Variants in CCDC146 observed in about 807,000 individuals in gnomAD.
CCDC146 encodes the protein coiled-coil domain-containing protein 146.
A neutral mutation model predicts 119.3 loss-of-function variants in CCDC146; 92 were observed. That is an observed-to-expected ratio of 0.77 (90% CI 0.65 to 0.92). The LOEUF is 0.92. Among genes scored for constraint, CCDC146 ranks in the 40% least tolerant of loss-of-function variants. The pLI, the probability that CCDC146 is intolerant of heterozygous loss-of-function variation, is 0.00. For synonymous variants in CCDC146, 372 were observed against 371.8 expected, an observed-to-expected ratio of 1.00 and a Z score of -0.01; for missense variants, 1,000 against 1,103.0, an observed-to-expected ratio of 0.91 and a Z score of 1.32.
chr7:77,164,808 A>G (rs940583277), intron 1 of CCDC146, among the ~76,000 whole-genome samples: 10 of 152,310 alleles, frequency 6.6e-5, no homozygotes, highest in South Asian at 2.1e-4. Context: ...GGACCTACCA[A>G]GCCTTCTGGC....
At chr7:77,265,770 A>T (rs967723170) in intron 9 of CCDC146, among the ~76,000 whole-genome samples, 22 of 152,264 alleles carry the variant, frequency 1.4e-4, no homozygotes, top group Non-Finnish European at 2.9e-5. Flanking sequence ...GACATATGCA[A>T]GTAGGAAGTA....
Position 77,196,274 on chromosome 7 carries a change from G to C in CCDC146, c.156+28450G>C. On this transcript the variant is annotated intron_variant, in intron 2 of 18. Coordinates refer to ENST00000285871, the MANE Select transcript of CCDC146 (RefSeq NM_020879.3). This position sits in a 1 kb window ranked among gnomAD's most constrained non-coding sequence, Gnocchi z 4.2. ...ACGAATACCTGGAGGAATGAACAGAGTGATTTATGGCTTAAAGTGCTTGGG... is the reference window on the plus strand; with the variant it reads ...ACGAATACCTGGAGGAATGAACAGACTGATTTATGGCTTAAAGTGCTTGGG... 2 of 1,604,942 alleles carry C rather than the reference G, an allele frequency of 1.2e-6. No individual in the cohort carries two copies. The highest frequency in any genetic ancestry group is 1.1e-5 in the South Asian group (1 of 90,564).
chr7:77,236,154 A>G (rs1283050813), intron 2 of CCDC146, among the ~76,000 whole-genome samples: 1 of 152,202 alleles, frequency 6.6e-6, no homozygotes, highest in Non-Finnish European at 1.5e-5. Context: ...TGATACTGTC[A>G]CTAGCAGTTG....
rs1382622207 is a variant in CCDC146 at position 77,282,591 on chromosome 7, T to C, written c.1954T>C (p.Cys652Arg). 1 of 1,611,704 alleles carries C rather than the reference T, an allele frequency of 6.2e-7. No homozygotes were observed. The highest frequency in any genetic ancestry group is 8.5e-7 in the Non-Finnish European group (1 of 1,178,922). Residue 652 changes from cysteine to arginine, a missense_variant, in exon 15 of 19, where the codon TGC becomes CGC. By Grantham distance (180) the Cys-to-Arg change is radical (BLOSUM62 -3). This residue lies in a region of CCDC146 where 985 missense variants were observed against 1,045.3 expected (regional missense o/e 0.94). Transcript: ENST00000285871. ...VQLIEREEEICIFYEKINIQE... is the reference protein window; with the variant it reads ...VQLIEREEEIRIFYEKINIQE... ...GCTGATAGAGCGGGAAGAAGAAATA[T>C]GCATTTTTTATGAAAAAATAAATAT...
chr7:77,176,596 C>T (rs903324734), intron 2 of CCDC146, among the ~76,000 whole-genome samples: 10 of 152,010 alleles, frequency 6.6e-5, no homozygotes, highest in South Asian at 6.2e-4. Context: ...GTAGTAGACA[C>T]GGTAGGTTGT....
At chr7:77,258,401 T>C (rs568002233) in intron 6 of CCDC146, among the ~76,000 whole-genome samples, 2 of 152,230 alleles carry the variant, frequency 1.3e-5, no homozygotes, top group Non-Finnish European at 2.9e-5. Flanking sequence ...ATGATTTTTC[T>C]ACTTTACAGT....
In CCDC146 at chr7:77,191,757, C is replaced by A. The variant is rs559860366; in HGVS notation, c.156+23933C>A. ...CCCAGTCTCTACTAAAAATACAAAA[C>A]AAATTAGCTGGGTGTGGTGGCGGGC... is the stretch of plus-strand genomic sequence containing the variant. On this transcript the variant is annotated intron_variant, in intron 2 of 18. Coordinates refer to ENST00000285871, the MANE Select transcript of CCDC146 (RefSeq NM_020879.3). Among the ~76,000 whole-genome samples, 1,461 of 151,750 alleles carry A rather than the reference C, an allele frequency of 9.6e-3. 16 individuals carry two copies. The highest frequency in any genetic ancestry group is 0.012 in the Non-Finnish European group (833 of 67,824).
chr7:77,284,984 GT>G (rs879932808), intron 15 of CCDC146, among the ~76,000 whole-genome samples: 104 of 146,574 alleles, frequency 7.1e-4, no homozygotes, highest in African/African-American at 2.1e-3. Context: ...CTTGGGGTTT[GT>G]TTTTTTTTTA....
intron 2 of CCDC146, among the ~76,000 whole-genome samples, chr7:77,192,880 G>A (rs901940845): frequency 6.6e-6 from 1 of 151,922 alleles, no homozygotes; most frequent in African/African-American, 2.4e-5. Context: ...CCGAGATCTC[G>A]CCATTGCACT....
In CCDC146 at chr7:77,287,578, G is replaced by T. The variant is rs2150554158; in HGVS notation, c.2415+1G>T. 4 of 1,612,844 alleles carry T rather than the reference G, an allele frequency of 2.5e-6. No individual in the cohort carries two copies. Among genetic ancestry groups the T allele is most frequent in the East Asian group, 2.2e-5 (1 of 44,856 alleles). ...GGACACACTGCTCTTAGCCAAGAAGGTAGGCCTGAGACCCTGCCTTTTCCC... is the reference window on the plus strand; with the variant it reads ...GGACACACTGCTCTTAGCCAAGAAGTTAGGCCTGAGACCCTGCCTTTTCCC... On this transcript the variant is annotated splice_donor_variant, in intron 17 of 18. Coordinates refer to ENST00000285871, the MANE Select transcript of CCDC146 (RefSeq NM_020879.3). LOFTEE classifies it high-confidence loss of function.
intron 2 of CCDC146, among the ~76,000 whole-genome samples, chr7:77,217,845 T>A (rs1193714485): frequency 1.3e-5 from 2 of 152,100 alleles, no homozygotes; most frequent in African/African-American, 2.4e-5. Flanking sequence ...TCTAAATGTA[T>A]CTAAACATAG....
At position 77,262,105 on chromosome 7, in the gene CCDC146, C is replaced by T. The variant is rs1584122881; in HGVS notation, c.987-16C>T. The T allele has an allele frequency of 6.5e-7, 1 of 1,550,304 alleles. No homozygotes were observed. Among genetic ancestry groups the T allele is most frequent in the South Asian group, 1.2e-5 (1 of 81,214 alleles). On this transcript the variant is annotated splice_polypyrimidine_tract_variant and intron_variant, in intron 8 of 18. Transcript: ENST00000285871. ...ATAACAAAATCATTTTCTTCTTCTT[C>T]CTTTACCTGGAACAGAGGGATCTTG...
intron 11 of CCDC146, among the ~76,000 whole-genome samples, chr7:77,275,653 A>G (rs1218177226): frequency 2.6e-5 from 4 of 152,138 alleles, no homozygotes. Flanking sequence ...TCCCAACTTC[A>G]TCAAGACAGC....
intron 2 of CCDC146, among the ~76,000 whole-genome samples, chr7:77,230,523 T>TGTCTG (rs1483900778): frequency 2.6e-5 from 4 of 152,048 alleles, no homozygotes; most frequent in African/African-American, 9.7e-5. Flanking sequence ...TGTGTGTCTG[T>TGTCTG]TTTTTCTTCA....
intron 15 of CCDC146, among the ~76,000 whole-genome samples, chr7:77,286,028 G>A (rs1437689249): frequency 1.3e-5 from 2 of 152,200 alleles, no homozygotes; most frequent in Non-Finnish European, 2.9e-5. Context: ...AGAGGTGAAG[G>A]CTGTGTGTTA....
intron 1 of CCDC146, among the ~76,000 whole-genome samples, chr7:77,140,934 T>A (rs1189899955): frequency 6.6e-6 from 1 of 152,148 alleles, no homozygotes; most frequent in African/African-American, 2.4e-5. Context: ...TTATTTTTTT[T>A]TATACTTTCA....
chr7:77,217,183 T>C (rs1294613003), intron 2 of CCDC146, among the ~76,000 whole-genome samples: 1 of 152,030 alleles, frequency 6.6e-6, no homozygotes, highest in Non-Finnish European at 1.5e-5. Context: ...CCTCAAATGA[T>C]ACAGTCATAT....
chr7:77,194,602 T>A (rs1338760553), intron 2 of CCDC146: 2 of 152,130 alleles, frequency 1.3e-5, no homozygotes, highest in Non-Finnish European at 2.9e-5. Context: ...ATTAGCTTGT[T>A]ACCTGAAGCA....
chr7:77,279,021 A>G lies in CCDC146; in HGVS notation c.1614A>G (p.Lys538=). 1 of 1,612,262 alleles carries G rather than the reference A, an allele frequency of 6.2e-7. No individual in the cohort carries two copies. The highest frequency in any genetic ancestry group is 8.5e-7 in the Non-Finnish European group (1 of 1,179,058). ...FVNLLHKAHQ[K]VNEIKERHKM... is the part of the protein sequence containing the mutation. ...ACTTACTCCACAAAGCTCATCAGAA[A>G]GTAAATGAAATAAAAGAAAGGCATA... Residue 538 remains lysine, a synonymous_variant, in exon 13 of 19, where the codon AAA becomes AAG. Coordinates refer to ENST00000285871, the MANE Select transcript of CCDC146 (RefSeq NM_020879.3).
Sources: allele counts gnomAD v4.1 joint callset (sites outside exome capture counted in the v4.1 genomes callset), GRCh38; gene constraint gnomAD v4.1.1; regional missense constraint gnomAD v4.1.1; non-coding constraint Gnocchi (gnomAD v3.1); transcripts MANE v1.5; gene names NCBI Gene and HGNC (gene_info 2026-07-23, HGNC 2026-07-21).